The following ADGRV1 variants were observed in gnomAD, a reference collection of about 807,000 sequenced individuals.
ADGRV1 encodes the protein G-protein coupled receptor 98.
In ADGRV1, 359 loss-of-function variants were observed where a neutral mutation model predicts 596.2. That is an observed-to-expected ratio of 0.60 (90% confidence interval 0.55 to 0.66). The LOEUF (loss-of-function observed/expected upper bound fraction) is 0.66, where lower values mean the gene tolerates loss of function less well. ADGRV1 is among the 30% of genes least tolerant of loss of function. The pLI is 0.00. For missense variants in ADGRV1, 7,274 were observed against 7,575.6 expected (o/e 0.96, Z 1.48); for synonymous variants, 2,681 against 2,679.2 (o/e 1.00, Z -0.02).
intron 85 of ADGRV1, among the ~76,000 whole-genome samples, chr5:90,991,050 A>T (rs1400605825): frequency 6.6e-6 from 1 of 152,200 alleles, no homozygotes; most frequent in African/African-American, 2.4e-5. Context: ...TATGCCTTTT[A>T]TCTGGAACCC....
chr5:90,709,871 T>G (rs1749106025), intron 39 of ADGRV1, among the ~76,000 whole-genome samples: 1 of 152,238 alleles, frequency 6.6e-6, no homozygotes, highest in Admixed American at 6.5e-5. Flanking sequence ...ATAGTTAACT[T>G]CTGTTGAGTG....
At chr5:90,629,728 C>G (rs1204542486) in intron 9 of ADGRV1, 189 bp downstream of exon 9, 5 of 446,262 alleles carry the variant, frequency 1.1e-5, no homozygotes, top group Non-Finnish European at 2.0e-5. Flanking sequence ...ATAAATAAGA[C>G]AAGAATTTTT....
chr5:90,617,497 A>AGG (rs1763517525), intron 2 of ADGRV1: 2 of 185,220 alleles, frequency 1.1e-5, no homozygotes, highest in Non-Finnish European at 2.2e-5. Context: ...TTTATTAGAG[A>AGG]TGAGGTTTCA....
At chr5:91,143,787 T>C (rs1795304357) in intron 87 of ADGRV1, among the ~76,000 whole-genome samples, 1 of 152,176 alleles carries the variant, frequency 6.6e-6, no homozygotes. Flanking sequence ...CCAGAGCCAG[T>C]CTGCCTCATG....
chr5:90,784,686 A>G (rs371575468), intron 67 of ADGRV1, among the ~76,000 whole-genome samples: 1 of 152,146 alleles, frequency 6.6e-6, no homozygotes, highest in East Asian at 1.9e-4. Flanking sequence ...AGCACAGGAT[A>G]GACCAGAGGG....
intron 36 of ADGRV1, among the ~76,000 whole-genome samples, 195 bp downstream of exon 36, chr5:90,704,683 G>T (rs1414362198): frequency 1.3e-5 from 2 of 152,090 alleles, no homozygotes; most frequent in Non-Finnish European, 2.9e-5. Flanking sequence ...TAGGAAAGAA[G>T]CCCTGAAACG....
At chr5:91,147,762 C>T (rs1296481623) in intron 87 of ADGRV1, among the ~76,000 whole-genome samples, 2 of 152,098 alleles carry the variant, frequency 1.3e-5, no homozygotes, top group Non-Finnish European at 2.9e-5. Context: ...TGCTATAAAG[C>T]TATCCAAAAA....
intron 85 of ADGRV1, among the ~76,000 whole-genome samples, chr5:91,048,438 A>G (rs1786022410): frequency 6.6e-6 from 1 of 152,202 alleles, no homozygotes; most frequent in Non-Finnish European, 1.5e-5. Flanking sequence ...GCCTGCTGCT[A>G]GAGTAGCAAG....
chr5:90,699,534 ATGCACTTTTCAGCAGTGTGATGAAAT>A (rs1241692954), intron 34 of ADGRV1, among the ~76,000 whole-genome samples: 2 of 152,214 alleles, frequency 1.3e-5, no homozygotes, highest in Non-Finnish European at 2.9e-5. Flanking sequence ...TATACTAGGC[ATGCACTTTTCAGCAGTGTGATGAAAT>A]TTCTTTTCTA....
intron 75 of ADGRV1, among the ~76,000 whole-genome samples, chr5:90,819,487 A>C (rs1370831728): frequency 1.3e-5 from 2 of 149,614 alleles, no homozygotes; most frequent in African/African-American, 2.5e-5. Flanking sequence ...TTGCTTTTCT[A>C]GTTCTTTTAA....
intron 87 of ADGRV1, among the ~76,000 whole-genome samples, chr5:91,126,884 C>T (rs1366121861): frequency 6.6e-6 from 1 of 152,042 alleles, no homozygotes. Flanking sequence ...GTGCCTCTCT[C>T]GGAGGCAGCA....
intron 1 of ADGRV1, among the ~76,000 whole-genome samples, chr5:90,561,282 G>A (rs1289470029): frequency 6.6e-6 from 1 of 152,094 alleles, no homozygotes; most frequent in African/African-American, 2.4e-5. Context: ...TTGAAGCACT[G>A]GAAGGAGACT....
intron 85 of ADGRV1, among the ~76,000 whole-genome samples, chr5:91,034,925 A>G (rs1049167055): frequency 1.3e-5 from 2 of 152,132 alleles, no homozygotes; most frequent in African/African-American, 4.8e-5. Flanking sequence ...AGGTAGGACT[A>G]CAGGCATGCT....
intron 10 of ADGRV1, among the ~76,000 whole-genome samples, 182 bp from the exon 11 acceptor site, chr5:90,637,543 G>A (rs1766372762): frequency 1.3e-5 from 2 of 152,134 alleles, no homozygotes; most frequent in Admixed American, 1.3e-4. Context: ...TATATCTAAA[G>A]TGATTTCCAT....
intron 50 of ADGRV1, among the ~76,000 whole-genome samples, chr5:90,742,035 CCT>C (rs1754023687): frequency 6.6e-6 from 1 of 152,134 alleles, no homozygotes; most frequent in Admixed American, 6.6e-5. Context: ...TCGCTTTCAC[CCT>C]TTTCTCCTTT....
intron 85 of ADGRV1, among the ~76,000 whole-genome samples, chr5:91,061,245 C>A (rs1562161897): frequency 6.6e-6 from 1 of 152,148 alleles, no homozygotes; most frequent in Non-Finnish European, 1.5e-5. Flanking sequence ...GTCAGCCTGA[C>A]CTTATTCTGA....
intron 83 of ADGRV1, among the ~76,000 whole-genome samples, chr5:90,925,164 G>T (rs544834237): frequency 6.6e-6 from 1 of 152,198 alleles, no homozygotes; most frequent in Non-Finnish European, 1.5e-5. Context: ...CCAATTCTGT[G>T]AAGAAAGTCA....
At chr5:91,087,445 C>T (rs943708721) in intron 86 of ADGRV1, among the ~76,000 whole-genome samples, 4 of 151,354 alleles carry the variant, frequency 2.6e-5, no homozygotes, top group African/African-American at 9.8e-5. Flanking sequence ...TGCAGGCATG[C>T]ACCACTGTGC....
Position 90,791,176 on chromosome 5 carries a change from A to T in ADGRV1, c.14347A>T (p.Ile4783Phe). The T allele has an allele frequency of 6.2e-7, 1 of 1,613,958 alleles. No homozygotes were observed. Among genetic ancestry groups the T allele is most frequent in the Non-Finnish European group, 8.5e-7 (1 of 1,179,886 alleles). The change falls in exon 70 of 90, where the codon ATC becomes TTC. Residue 4783 changes from isoleucine to phenylalanine, a missense_variant. By Grantham distance (21) the Ile-to-Phe change is conservative (BLOSUM62 0). Around this residue, in one of 5 missense-constraint regions of ADGRV1, gnomAD observed 1,874 missense variants for 1,970.2 expected, o/e 0.95. Transcript: ENST00000405460. ...TATTGGGCAGAACCTTATTAGATCC[A>T]TCCAAATTAACATAACCCGGCTTGC... is the stretch of plus-strand genomic sequence containing the variant. ...ILIGQNLIRS[I>F]QINITRLAGT... is the part of the protein sequence containing the mutation.
Sources: allele counts gnomAD v4.1 joint callset (sites outside exome capture counted in the v4.1 genomes callset), GRCh38; gene constraint gnomAD v4.1.1; regional missense constraint gnomAD v4.1.1; transcripts MANE v1.5; gene names NCBI Gene and HGNC (gene_info 2026-07-23, HGNC 2026-07-21).